RASIP1: variants seen among roughly 807,000 people sequenced by gnomAD.
RASIP1 encodes the protein Ras interacting protein 1.
A neutral mutation model predicts 85.3 loss-of-function variants in RASIP1; 20 were observed. That is an observed-to-expected ratio of 0.23 (90% CI 0.17 to 0.34). The LOEUF is 0.34. Ranked by LOEUF, RASIP1 falls within the 10% of genes least tolerant of loss-of-function variation. The probability of loss-of-function intolerance (pLI) is 1.00; values close to 1 mark genes in which losing one functional copy is unlikely to be tolerated. For synonymous variants in RASIP1, 617 were observed against 647.1 expected (o/e 0.95, Z 0.71); for missense variants, 1,170 against 1,390.9 (o/e 0.84, Z 2.53).
Position 48,740,422 on chromosome 19 carries a change from T to TA in RASIP1, c.-5+98dup. Reference sequence around the variant, plus strand: ...GAGTCCAGGGGGAGGAGAGGGATGGTACCCTGGATTCCTGGGTCCTGGGAT... The same window carrying TA: ...GAGTCCAGGGGGAGGAGAGGGATGGTAACCCTGGATTCCTGGGTCCTGGGAT... On this transcript the variant is annotated intron_variant, in intron 1 of 11. Coordinates refer to ENST00000222145, the MANE Select transcript of RASIP1 (RefSeq NM_017805.3). The surrounding 1 kb of genome is among the most constrained non-coding windows in gnomAD (Gnocchi z 5.5). 1 of 1,388,082 alleles carries TA rather than the reference T, an allele frequency of 7.2e-7. No individual in the cohort carries two copies. Among genetic ancestry groups the TA allele is most frequent in the South Asian group, 1.5e-5 (1 of 66,400 alleles). The allele number at this position is 1,388,082 out of a possible 1,614,324, so 86.0% of individuals were successfully genotyped here. A position where few individuals can be genotyped will look rare whatever the true frequency, so the allele number is the denominator to read the frequency against.
At chr19:48,737,886 T>C in intron 3 of RASIP1, 2 of 984,582 alleles carry the variant, frequency 2.0e-6, no homozygotes, top group Non-Finnish European at 2.4e-6. Flanking sequence ...GTGCTTACTC[T>C]TCCGGCTCCT....
chr19:48,732,163 C>T (rs561372355), intron 4 of RASIP1, among the ~76,000 whole-genome samples: 2 of 151,684 alleles, frequency 1.3e-5, no homozygotes, highest in South Asian at 2.1e-4. Flanking sequence ...CAGACTCCAC[C>T]TCCTGGGCTC....
Position 48,724,591 on chromosome 19 carries a change from C to A in RASIP1, c.2372-82G>T. On this transcript the variant is annotated intron_variant, in intron 9 of 11. Transcript: ENST00000222145. The surrounding 1 kb of genome is among the most constrained non-coding windows in gnomAD (Gnocchi z 4.6). Reference sequence around the variant, plus strand: ...TCCCAGACTCTTCCTATCCTTCAGCCTGGGATCTGGAGCTTGTTCTCCAGG... The same window carrying A: ...TCCCAGACTCTTCCTATCCTTCAGCATGGGATCTGGAGCTTGTTCTCCAGG... 1.3e-6 allele frequency: 2 copies of A among 1,574,420 alleles called. No homozygotes were observed. Among genetic ancestry groups the A allele is most frequent in the Non-Finnish European group, 1.7e-6 (2 of 1,155,140 alleles).
chr19:48,729,594 G>A lies in RASIP1; in HGVS notation c.1180-4C>T. The A allele has an allele frequency of 6.3e-7, 1 of 1,585,106 alleles. No individual in the cohort carries two copies. Among genetic ancestry groups the A allele is most frequent in the Non-Finnish European group, 8.6e-7 (1 of 1,165,902 alleles). ...TCATCACATACACCACAAAGTCCTG[G>A]AGGGGAAACGAGGATGCACTAAGGA... On this transcript the variant is annotated splice_polypyrimidine_tract_variant and splice_region_variant and intron_variant, in intron 4 of 11. Coordinates refer to ENST00000222145, the MANE Select transcript of RASIP1 (RefSeq NM_017805.3).
chr19:48,730,264 C>T (rs2033430572), intron 4 of RASIP1, among the ~76,000 whole-genome samples: 1 of 152,088 alleles, frequency 6.6e-6, no homozygotes, highest in Non-Finnish European at 1.5e-5. Context: ...CTCCCGGGTT[C>T]AAGCGATTCC....
intron 4 of RASIP1, among the ~76,000 whole-genome samples, chr19:48,732,490 G>A (rs749576934): frequency 8.6e-5 from 13 of 151,892 alleles, no homozygotes; most frequent in African/African-American, 9.7e-5. Context: ...TCATGACCTC[G>A]TGATCCGCCT....
chr19:48,737,951 G>GTTTA, intron 3 of RASIP1: 1 of 985,168 alleles, frequency 1.0e-6, no homozygotes, highest in East Asian at 1.1e-4. Flanking sequence ...TTGTTTGTTT[G>GTTTA]TTTGTTTTTT....
At chr19:48,721,136 C>T (rs1350473667) in intron 11 of RASIP1, 139 bp from the exon 12 acceptor site, 1 of 692,488 alleles carries the variant, frequency 1.4e-6, no homozygotes, top group African/African-American at 1.8e-5. Flanking sequence ...GGTCCGTTCA[C>T]ACGCTACTCT....
At chr19:48,726,265 G>A (rs1601276502) in intron 8 of RASIP1, among the ~76,000 whole-genome samples, 4 of 151,200 alleles carry the variant, frequency 2.6e-5, no homozygotes, top group South Asian at 4.2e-4. Flanking sequence ...TCCATCTCCC[G>A]GGTTGGAATG....
At chr19:48,721,556 A>G (rs2033243832) in intron 11 of RASIP1, among the ~76,000 whole-genome samples, 1 of 152,106 alleles carries the variant, frequency 6.6e-6, no homozygotes, top group Non-Finnish European at 1.5e-5. Flanking sequence ...TAATCCCAGC[A>G]CTTTGGGAGG....
Position 48,739,175 on chromosome 19 carries a change from G to A in RASIP1, c.608C>T (p.Ala203Val). 6.8e-7 allele frequency: 1 copy of A among 1,466,826 alleles called. No individual in the cohort carries two copies. The highest frequency in any genetic ancestry group is 9.0e-7 in the Non-Finnish European group (1 of 1,116,270). The allele number at this position is 1,466,826 out of a possible 1,614,324, so 90.9% of individuals were successfully genotyped here. ...GGGCCGGCCCAGAGCGTCGCACAAAGCGAAGGCGTCCACGCAGCTGCTCTC... is the reference window on the plus strand; with the variant it reads ...GGGCCGGCCCAGAGCGTCGCACAAAACGAAGGCGTCCACGCAGCTGCTCTC... ...PGESSCVDAF[A>V]LCDALGRPAA... Residue 203 changes from alanine (A) to valine (V), a missense_variant, in exon 3 of 12, where the codon GCT (alanine) becomes GTT (valine). Physicochemically the swap from Ala to Val is moderately conservative, Grantham distance 64 (BLOSUM62 0). This residue lies in a region of RASIP1 where 299 missense variants were observed against 394.4 expected (regional missense o/e 0.76). Transcript: ENST00000222145. This position sits in a 1 kb window ranked among gnomAD's most constrained non-coding sequence, Gnocchi z 9.2.
At position 48,724,344 on chromosome 19, in the gene RASIP1, A is replaced by G; in HGVS notation, c.2537T>C (p.Leu846Pro). The G allele has an allele frequency of 6.2e-7, 1 of 1,613,860 alleles. No homozygotes were observed. Among genetic ancestry groups the G allele is most frequent in the Non-Finnish European group, 8.5e-7 (1 of 1,179,848 alleles). Residue 846 changes from leucine to proline, a missense_variant, in exon 10 of 12, where the codon CTG (leucine) becomes CCG (proline). By Grantham distance (98) the Leu-to-Pro change is moderately conservative. Coordinates refer to ENST00000222145, the MANE Select transcript of RASIP1 (RefSeq NM_017805.3). This position sits in a 1 kb window ranked among gnomAD's most constrained non-coding sequence, Gnocchi z 4.6. The part of the protein sequence containing the change: ...VNLLCVPRTS[L>P]LKASWSSLRT... Reference sequence around the variant, plus strand: ...TAGCTGACCAGGAGTCACCTTGAGCAGGGAAGTGCGGGGCACACAGAGCAG... The same window carrying G: ...TAGCTGACCAGGAGTCACCTTGAGCGGGGAAGTGCGGGGCACACAGAGCAG...
chr19:48,736,629 G>T (rs531703860), intron 3 of RASIP1, among the ~76,000 whole-genome samples: 1 of 152,290 alleles, frequency 6.6e-6, no homozygotes, highest in African/African-American at 2.4e-5. Context: ...AGGCACCAAG[G>T]GGAAATGAGC....
intron 5 of RASIP1, among the ~76,000 whole-genome samples, chr19:48,728,214 G>A (rs1342896812): frequency 6.6e-6 from 1 of 152,148 alleles, no homozygotes; most frequent in African/African-American, 2.4e-5. Context: ...TAGGTCCAGT[G>A]GATTTGTGCT....
chr19:48,735,103 GC>G, intron 4 of RASIP1, 92 bp downstream of exon 4: 3 of 1,197,994 alleles, frequency 2.5e-6, no homozygotes, highest in South Asian at 1.5e-5. Context: ...AGGCTAGCGC[GC>G]CCCGGGCCTT....
At position 48,738,680 on chromosome 19, in the gene RASIP1, C is replaced by G. The variant is rs2033612798; in HGVS notation, c.823+280G>C. The G allele has an allele frequency of 3.5e-6, 1 of 288,328 alleles. No homozygotes were observed. Among genetic ancestry groups the G allele is most frequent in the Non-Finnish European group, 6.2e-6 (1 of 160,912 alleles). 17.9% of individuals were successfully genotyped at this position (288,328 alleles called of 1,614,324 possible). On this transcript the variant is annotated intron_variant, in intron 3 of 11. Transcript: ENST00000222145. The surrounding 1 kb of genome is among the most constrained non-coding windows in gnomAD (Gnocchi z 4.0). Reference sequence around the variant, plus strand: ...GCCACTCCAAGCCACCACCAGCAACCAGCCCCCGTCCCGCCTAAGCCCCAA... The same window carrying G: ...GCCACTCCAAGCCACCACCAGCAACGAGCCCCCGTCCCGCCTAAGCCCCAA...
rs2033544689 is a variant in RASIP1, at chr19:48,735,084, G to C, written c.1179+112C>G. ...AACCTTGAGGGACCACGCCCCACTA[G>C]AGTACTTGAGGCTAGCGCGCCCCGG... On this transcript the variant is annotated intron_variant, in intron 4 of 11. Coordinates refer to ENST00000222145, the MANE Select transcript of RASIP1 (RefSeq NM_017805.3). The C allele has an allele frequency of 1.6e-5, 16 of 972,098 alleles. 1 individual carries two copies. The South Asian group carries it at 2.6e-4, about 16-fold the overall frequency. 60.2% of individuals were successfully genotyped at this position (972,098 alleles called of 1,614,324 possible). A position where few individuals can be genotyped will look rare whatever the true frequency, so the allele number is the denominator to read the frequency against.
At chr19:48,728,620 C>T (rs1157517879) in intron 5 of RASIP1, among the ~76,000 whole-genome samples, 3 of 152,112 alleles carry the variant, frequency 2.0e-5, no homozygotes, top group Admixed American at 1.3e-4. Context: ...AAAAATTAGC[C>T]GGGCGTGCTG....
rs1035762623 is a variant in RASIP1, at chr19:48,740,462, G to A, written c.-5+59C>T. The A allele has an allele frequency of 2.2e-5, 31 of 1,396,962 alleles. No homozygotes were observed. The highest frequency in any genetic ancestry group is 2.9e-5 in the African/African-American group (2 of 67,876). The allele number at this position is 1,396,962 out of a possible 1,614,324, so 86.5% of individuals were successfully genotyped here. The stretch of plus-strand genomic sequence containing the variant: ...GGTCCTGGGATGGAAGATGGCTGGG[G>A]GACTGAGTCTTGGGGCCCAGGGAGG... On this transcript the variant is annotated intron_variant, in intron 1 of 11. Transcript: ENST00000222145. This position sits in a 1 kb window ranked among gnomAD's most constrained non-coding sequence, Gnocchi z 5.5.
Sources: allele counts gnomAD v4.1 joint callset (sites outside exome capture counted in the v4.1 genomes callset), GRCh38; gene constraint gnomAD v4.1.1; regional missense constraint gnomAD v4.1.1; non-coding constraint Gnocchi (gnomAD v3.1); transcripts MANE v1.5; gene names NCBI Gene and HGNC (gene_info 2026-07-23, HGNC 2026-07-21).